CAB39L: variants seen among roughly 807,000 people sequenced by gnomAD.
CAB39L encodes calcium-binding protein 39-like.
In CAB39L, 23 loss-of-function variants were observed where a neutral mutation model predicts 39.1. That is an observed-to-expected ratio of 0.59 (90% CI 0.42 to 0.83). The LOEUF (loss-of-function observed/expected upper bound fraction) is 0.83, where lower values mean the gene tolerates loss of function less well. Among genes scored for constraint, CAB39L ranks in the 40% least tolerant of loss-of-function variants. CAB39L has a pLI of 0.00. For synonymous variants in CAB39L, 126 were observed against 137.2 expected (o/e 0.92, Z 0.57); for missense variants, 366 against 391.9 (o/e 0.93, Z 0.56).
chr13:49,343,063 A>G (rs1317702616), intron 8 of CAB39L, among the ~76,000 whole-genome samples: 2 of 152,162 alleles, frequency 1.3e-5, no homozygotes, highest in South Asian at 2.1e-4. Context: ...TTTCTACTGG[A>G]CAGCACTGAG....
intron 4 of CAB39L, 163 bp downstream of exon 4, chr13:49,382,637 T>G: frequency 1.8e-6 from 1 of 561,132 alleles, no homozygotes. Flanking sequence ...ACAGACTAAA[T>G]AATAATCAGT....
chr13:49,380,432 A>G (rs1403263706), intron 4 of CAB39L, among the ~76,000 whole-genome samples: 4 of 152,082 alleles, frequency 2.6e-5, no homozygotes, highest in Non-Finnish European at 5.9e-5. Flanking sequence ...AACTCACTAT[A>G]TTTTAAAGAA....
chr13:49,442,717 C>T (rs1056125285), intron 1 of CAB39L, among the ~76,000 whole-genome samples: 1 of 142,240 alleles, frequency 7.0e-6, no homozygotes. Context: ...GCTTGAACCA[C>T]GGAGGCAGAG....
chr13:49,389,377 A>G (rs569081474), intron 3 of CAB39L, among the ~76,000 whole-genome samples: 19 of 152,340 alleles, frequency 1.2e-4, no homozygotes, highest in Middle Eastern at 3.4e-3. Context: ...GCGGTGGCTC[A>G]GTCCTGTAAT....
At chr13:49,392,364 G>C (rs1021087203) in intron 3 of CAB39L, among the ~76,000 whole-genome samples, 1 of 140,844 alleles carries the variant, frequency 7.1e-6, no homozygotes, top group Non-Finnish European at 1.5e-5. Context: ...CAGAGGAACA[G>C]GCGGTGGTTC....
At chr13:49,414,605 T>C (rs956979660) in intron 3 of CAB39L, among the ~76,000 whole-genome samples, 3 of 152,092 alleles carry the variant, frequency 2.0e-5, no homozygotes, top group Non-Finnish European at 2.9e-5. Context: ...ATATGTTAAA[T>C]AAAAATCAAG....
chr13:49,383,563 A>G (rs566894309), intron 3 of CAB39L, among the ~76,000 whole-genome samples: 110 of 152,326 alleles, frequency 7.2e-4, no homozygotes, highest in African/African-American at 2.5e-3. Context: ...ATGTATAGAC[A>G]TACCTAGGAG....
At chr13:49,336,826 A>C (rs1427035210) in intron 9 of CAB39L, among the ~76,000 whole-genome samples, 2 of 152,216 alleles carry the variant, frequency 1.3e-5, no homozygotes, top group Non-Finnish European at 2.9e-5. Context: ...CTGTATAAAG[A>C]GAATACAACC....
At chr13:49,319,036 G>C (rs1954272295) in intron 10 of CAB39L, among the ~76,000 whole-genome samples, 2 of 152,064 alleles carry the variant, frequency 1.3e-5, no homozygotes. Context: ...TTGAGGTCAG[G>C]GGTTCATGAC....
intron 1 of CAB39L, among the ~76,000 whole-genome samples, chr13:49,439,750 TTTTTGAC>T (rs1156862153): frequency 6.6e-6 from 1 of 152,046 alleles, no homozygotes; most frequent in East Asian, 1.9e-4. Context: ...CATCTGTTGT[TTTTTGAC>T]TTTTTAGTAA....
intron 9 of CAB39L, among the ~76,000 whole-genome samples, chr13:49,333,352 G>A (rs1291723647): frequency 6.6e-6 from 1 of 152,030 alleles, no homozygotes; most frequent in Non-Finnish European, 1.5e-5. Flanking sequence ...TGTGCAGCTT[G>A]TTCCCTTGCT....
At chr13:49,415,121 T>C (rs1957060326) in intron 3 of CAB39L, among the ~76,000 whole-genome samples, 1 of 151,926 alleles carries the variant, frequency 6.6e-6, no homozygotes, top group African/African-American at 2.4e-5. Context: ...CACTGAAGCC[T>C]GGGAAGTCGA....
chr13:49,415,312 C>G (rs939758700), intron 3 of CAB39L, among the ~76,000 whole-genome samples: 3 of 151,782 alleles, frequency 2.0e-5, no homozygotes, highest in African/African-American at 7.3e-5. Context: ...GTCAAGAGTT[C>G]AAGACCAGCC....
intron 3 of CAB39L, among the ~76,000 whole-genome samples, chr13:49,417,571 T>G (rs994155894): frequency 1.4e-5 from 2 of 147,018 alleles, no homozygotes; most frequent in Admixed American, 6.8e-5. Flanking sequence ...ATTATCTAAA[T>G]TGGACTCAGG....
chr13:49,321,210 A>AT (rs1267558056), intron 10 of CAB39L, among the ~76,000 whole-genome samples: 1 of 152,132 alleles, frequency 6.6e-6, no homozygotes, highest in African/African-American at 2.4e-5. Flanking sequence ...TATGTGCAGC[A>AT]TTTTTTTCTT....
At chr13:49,371,951 G>A (rs2138546807) in intron 5 of CAB39L, among the ~76,000 whole-genome samples, 1 of 152,214 alleles carries the variant, frequency 6.6e-6, no homozygotes, top group East Asian at 1.9e-4. Context: ...AGTTACCATA[G>A]AAGACAATTT....
At chr13:49,315,765 A>G (rs1954138828) in intron 10 of CAB39L, among the ~76,000 whole-genome samples, 1 of 151,908 alleles carries the variant, frequency 6.6e-6, no homozygotes, top group Non-Finnish European at 1.5e-5. Context: ...TGCGCCTGTA[A>G]TCCCAGCTAT....
intron 10 of CAB39L, among the ~76,000 whole-genome samples, chr13:49,321,477 A>G (rs1342798005): frequency 1.3e-5 from 2 of 152,150 alleles, no homozygotes; most frequent in Non-Finnish European, 1.5e-5. Flanking sequence ...GGAAGATACA[A>G]TTTTTCCCCA....
At chr13:49,374,996 A>G (rs1021933868) in intron 5 of CAB39L, among the ~76,000 whole-genome samples, 4 of 152,194 alleles carry the variant, frequency 2.6e-5, no homozygotes, top group Admixed American at 6.5e-5. Context: ...TTTCCTATTT[A>G]TGGTCACTGA....
Sources: gnomAD v4.1 joint callset for allele counts (sites outside exome capture counted in the v4.1 genomes callset) on GRCh38, gnomAD v4.1.1 for gene constraint, MANE v1.5 for transcripts, NCBI Gene and HGNC (gene_info 2026-07-23, HGNC 2026-07-21) for gene names.